The following ARL15 variants were observed in gnomAD, a reference collection of about 807,000 sequenced individuals.
The protein encoded by ARL15 is ADP-ribosylation factor-like protein 15.
In ARL15, 19 loss-of-function variants were observed where a neutral mutation model predicts 25.2. That is an observed-to-expected ratio of 0.75 (90% CI 0.53 to 1.10). The LOEUF is 1.10. Ranked by LOEUF, ARL15 falls within the 50% of genes least tolerant of loss-of-function variation. The pLI, the probability that ARL15 is intolerant of heterozygous loss-of-function variation, is 0.00. For missense variants in ARL15, 220 were observed against 246.0 expected (o/e 0.89, Z 0.71); for synonymous variants, 94 against 86.8 (o/e 1.08, Z -0.46).
chr5:53,892,601 CTT>C (rs70986647), intron 4 of ARL15, among the ~76,000 whole-genome samples: 7 of 141,184 alleles, frequency 5.0e-5, no homozygotes, highest in Admixed American at 1.4e-4. Context: ...ATTACTGTTA[CTT>C]TTTTTTTTTT....
At position 53,975,188 on chromosome 5, in the gene ARL15, A is replaced by G. The variant is rs140396837; in HGVS notation, c.463-88475T>C. On this transcript the variant is annotated intron_variant, in intron 4 of 4. Transcript: ENST00000504924. Reference sequence around the variant, plus strand: ...TAAGTATTTCCATCTTTTTCTCTAAACTTTCTCCCATATCAATTTGTAAGA... The same window carrying G: ...TAAGTATTTCCATCTTTTTCTCTAAGCTTTCTCCCATATCAATTTGTAAGA... 2.0e-3 allele frequency among the ~76,000 whole-genome samples: 298 copies of G among 152,196 alleles called. 2 individuals are homozygous for G. Among genetic ancestry groups the G allele is most frequent in the African/African-American group, 6.8e-3 (281 of 41,532 alleles).
intron 3 of ARL15, among the ~76,000 whole-genome samples, chr5:54,153,994 C>G (rs1048049381): frequency 6.6e-6 from 1 of 152,078 alleles, no homozygotes; most frequent in Non-Finnish European, 1.5e-5. Context: ...TGACTGATTT[C>G]TTTGTTAATC....
At chr5:53,936,223 A>C (rs1368818961) in intron 4 of ARL15, among the ~76,000 whole-genome samples, 1 of 152,220 alleles carries the variant, frequency 6.6e-6, no homozygotes, top group African/African-American at 2.4e-5. Context: ...AGCAGAGGCC[A>C]AAGCTACCAT....
chr5:54,070,334 G>GTT (rs1751379835), intron 4 of ARL15, among the ~76,000 whole-genome samples: 1 of 151,866 alleles, frequency 6.6e-6, no homozygotes, highest in Non-Finnish European at 1.5e-5. Flanking sequence ...GGAGCTTGCA[G>GTT]TGAGCCGAGA....
At chr5:54,221,316 G>A (rs1196689626) in intron 1 of ARL15, among the ~76,000 whole-genome samples, 1 of 152,130 alleles carries the variant, frequency 6.6e-6, no homozygotes, top group East Asian at 1.9e-4. Context: ...GCTTTCCTGG[G>A]AAGATGTCCA....
At chr5:53,950,609 T>TA (rs1191766288) in intron 4 of ARL15, among the ~76,000 whole-genome samples, 1 of 152,114 alleles carries the variant, frequency 6.6e-6, no homozygotes, top group Non-Finnish European at 1.5e-5. Context: ...GGCCACAAAT[T>TA]AAAATAGCCT....
intron 4 of ARL15, among the ~76,000 whole-genome samples, chr5:54,057,992 A>T (rs79704759): frequency 0.33 from 14,724 of 45,234 alleles, 1,083 homozygotes; most frequent in African/African-American, 0.48. Flanking sequence ...TGGTGCCTTT[A>T]TTTATTTATT....
intron 3 of ARL15, among the ~76,000 whole-genome samples, chr5:54,121,774 C>T (rs146014801): frequency 2.6e-5 from 4 of 152,046 alleles, no homozygotes; most frequent in Non-Finnish European, 5.9e-5. Context: ...ATGAAAACTC[C>T]GCTTAATTGT....
intron 1 of ARL15, among the ~76,000 whole-genome samples, chr5:54,267,478 C>T (rs181176628): frequency 5.2e-4 from 79 of 152,284 alleles, no homozygotes; most frequent in Non-Finnish European, 7.8e-4. Context: ...CTTATACTCA[C>T]TTATCCATTT....
chr5:54,131,779 T>A (rs1374904121), intron 3 of ARL15, among the ~76,000 whole-genome samples: 1 of 152,122 alleles, frequency 6.6e-6, no homozygotes, highest in East Asian at 1.9e-4. Flanking sequence ...GTTTTTAAAA[T>A]TCTAGCCCAG....
intron 4 of ARL15, among the ~76,000 whole-genome samples, chr5:54,061,045 G>A (rs1388292494): frequency 6.6e-6 from 1 of 152,164 alleles, no homozygotes; most frequent in Non-Finnish European, 1.5e-5. Flanking sequence ...AAGACAATGG[G>A]AAAAATGTCC....
At chr5:54,052,010 T>C (rs1750714419) in intron 4 of ARL15, among the ~76,000 whole-genome samples, 2 of 152,208 alleles carry the variant, frequency 1.3e-5, no homozygotes, top group Non-Finnish European at 2.9e-5. Context: ...TGAATGTATA[T>C]TGCTAAGTAA....
intron 4 of ARL15, among the ~76,000 whole-genome samples, chr5:53,899,545 T>C (rs1218297297): frequency 7.9e-5 from 12 of 152,022 alleles, no homozygotes; most frequent in Non-Finnish European, 1.6e-4. Context: ...TTTTTTCTCC[T>C]ACTTTCCTAA....
At chr5:54,097,632 G>A (rs1752326880) in intron 4 of ARL15, among the ~76,000 whole-genome samples, 1 of 152,144 alleles carries the variant, frequency 6.6e-6, no homozygotes, top group Non-Finnish European at 1.5e-5. Context: ...ATCACTTTTA[G>A]GTTCCTATAA....
chr5:53,934,255 T>A (rs965005081), intron 4 of ARL15, among the ~76,000 whole-genome samples: 3 of 152,162 alleles, frequency 2.0e-5, no homozygotes, highest in Non-Finnish European at 4.4e-5. Flanking sequence ...GGTAGACATA[T>A]CCACAGACTC....
chr5:53,966,281 A>G (rs1028704049), intron 4 of ARL15, among the ~76,000 whole-genome samples: 1 of 152,180 alleles, frequency 6.6e-6, no homozygotes, highest in African/African-American at 2.4e-5. Flanking sequence ...GGATGGCTCA[A>G]CATGTGGAGG....
chr5:53,898,809 T>C (rs1027822810), intron 4 of ARL15, among the ~76,000 whole-genome samples: 11 of 151,702 alleles, frequency 7.3e-5, no homozygotes, highest in African/African-American at 1.5e-4. Context: ...TGTACCACCA[T>C]GCCTGGCTAA....
intron 1 of ARL15, among the ~76,000 whole-genome samples, chr5:54,214,775 C>A (rs553119415): frequency 6.6e-6 from 1 of 152,212 alleles, no homozygotes; most frequent in East Asian, 1.9e-4. Context: ...TTATTTTAAA[C>A]CCTCATGTCT....
chr5:54,022,274 G>A (rs1278735347), intron 4 of ARL15, among the ~76,000 whole-genome samples: 2 of 152,114 alleles, frequency 1.3e-5, no homozygotes. Context: ...AAAGTATGGT[G>A]CTTTGGCATG....
Sources: allele counts gnomAD v4.1 joint callset (sites outside exome capture counted in the v4.1 genomes callset), GRCh38; gene constraint gnomAD v4.1.1; transcripts MANE v1.5; gene names NCBI Gene and HGNC (gene_info 2026-07-23, HGNC 2026-07-21).